The following STXBP4 variants were observed in gnomAD, a reference collection of about 807,000 sequenced individuals.
STXBP4 encodes the protein syntaxin binding protein 4.
STXBP4 carries 55 observed loss-of-function variants against 76.1 expected under a neutral mutation model. The ratio of observed to expected loss-of-function variants is 0.72; its 90% CI spans 0.58 to 0.91. STXBP4 has a LOEUF of 0.91. Ranked by LOEUF, STXBP4 falls within the 40% of genes least tolerant of loss-of-function variation. The pLI is 0.00. For synonymous variants in STXBP4, 201 were observed against 220.2 expected (o/e 0.91, Z 0.77); for missense variants, 618 against 636.9 (o/e 0.97, Z 0.32).
rs566286577 is a variant in STXBP4, at chr17:55,037,016, A to G, written c.855+2757A>G. On this transcript the variant is annotated intron_variant, in intron 10 of 17. Transcript: ENST00000376352. ...ATCACTTTGTTCTCTTTTGTAAGCAATCTCTTTTACTGCTAAGCATGTTGC... is the reference window on the plus strand; with the variant it reads ...ATCACTTTGTTCTCTTTTGTAAGCAGTCTCTTTTACTGCTAAGCATGTTGC... 8.5e-5 allele frequency among the ~76,000 whole-genome samples: 13 copies of G among 152,180 alleles called. No homozygotes were observed. In the East Asian group the frequency reaches 2.3e-3, roughly 27 times the overall value.
At chr17:55,092,238 A>G (rs568881155) in intron 16 of STXBP4, among the ~76,000 whole-genome samples, 7 of 152,292 alleles carry the variant, frequency 4.6e-5, no homozygotes, top group Non-Finnish European at 1.0e-4. Flanking sequence ...CTGCACCAAA[A>G]CCTCAGAAAT....
chr17:55,097,460 G>A (rs570235096), intron 16 of STXBP4, among the ~76,000 whole-genome samples: 25 of 152,196 alleles, frequency 1.6e-4, no homozygotes, highest in African/African-American at 3.9e-4. Context: ...TCAGGAGATC[G>A]AGACCATCCT....
intron 4 of STXBP4, 170 bp downstream of exon 4, chr17:54,991,127 A>C: frequency 2.0e-6 from 1 of 508,222 alleles, no homozygotes; most frequent in Non-Finnish European, 3.0e-6. Context: ...CTTTAAACTA[A>C]GAAATAAATA....
intron 16 of STXBP4, among the ~76,000 whole-genome samples, chr17:55,083,236 A>G (rs1213736361): frequency 6.6e-6 from 1 of 152,110 alleles, no homozygotes; most frequent in Non-Finnish European, 1.5e-5. Flanking sequence ...TCAGCCTCAC[A>G]AAGTGTTGGG....
At chr17:55,197,509 C>G in the STXBP4 span, among the ~76,000 whole-genome samples, 1 of 152,078 alleles carries the variant, frequency 6.6e-6, no homozygotes, top group African/African-American at 2.4e-5. Context: ...TTTGGGAGGC[C>G]AAGGCGGGCA....
At chr17:55,203,456 A>T in the STXBP4 span, among the ~76,000 whole-genome samples, 1 of 152,164 alleles carries the variant, frequency 6.6e-6, no homozygotes, top group Non-Finnish European at 1.5e-5. Flanking sequence ...TGTTTGTAGA[A>T]TGGGTGGATG....
At chr17:55,006,571 A>G (rs994587907) in intron 7 of STXBP4, among the ~76,000 whole-genome samples, 2 of 152,228 alleles carry the variant, frequency 1.3e-5, no homozygotes, top group Admixed American at 1.3e-4. Flanking sequence ...GGTCTTTTGT[A>G]GCATCTTTTT....
At chr17:55,197,552 G>A in the STXBP4 span, among the ~76,000 whole-genome samples, 4 of 152,154 alleles carry the variant, frequency 2.6e-5, no homozygotes, top group Admixed American at 2.6e-4. Context: ...GGCCATCCTG[G>A]CCAACACGGT....
chr17:55,012,160 G>T (rs1241129810), intron 8 of STXBP4, among the ~76,000 whole-genome samples: 1 of 152,120 alleles, frequency 6.6e-6, no homozygotes, highest in Non-Finnish European at 1.5e-5. Flanking sequence ...GCAGTGCAGG[G>T]GATTATTTCT....
chr17:55,178,996 G>C, the STXBP4 span, among the ~76,000 whole-genome samples: 2 of 152,112 alleles, frequency 1.3e-5, no homozygotes, highest in African/African-American at 4.8e-5. Context: ...CCCCAGTCAA[G>C]TTGACATATA....
At chr17:55,078,562 G>A (rs899039813) in intron 14 of STXBP4, 124 bp from the exon 15 acceptor site, 13 of 623,726 alleles carry the variant, frequency 2.1e-5, no homozygotes, top group Non-Finnish European at 3.1e-5. Context: ...TTGCACCCCC[G>A]CTACATAATA....
Position 55,022,337 on chromosome 17 carries a change from A to G in STXBP4, c.667-8831A>G, listed in dbSNP as rs557437242. ...TTATTCTACCCTACTCCTTTCCTTC[A>G]TTCTCATGGCAATGAAGGAGGTTGT... is the stretch of plus-strand genomic sequence containing the variant. On this transcript the variant is annotated intron_variant, in intron 8 of 17. Coordinates refer to ENST00000376352, the MANE Select transcript of STXBP4 (RefSeq NM_178509.6). Among the ~76,000 whole-genome samples the G allele has an allele frequency of 3.2e-3, 479 of 151,344 alleles. 1 individual carries two copies. The highest frequency in any genetic ancestry group is 0.031 in the Middle Eastern group (9 of 292).
At chr17:54,999,530 C>T in intron 5 of STXBP4, 79 bp downstream of exon 5, 1 of 1,447,894 alleles carries the variant, frequency 6.9e-7, no homozygotes, top group East Asian at 2.4e-5. Context: ...GTATTAAGTA[C>T]TTTATAATAA....
intron 8 of STXBP4, among the ~76,000 whole-genome samples, chr17:55,029,352 TTAGGA>T (rs1409554915): frequency 6.6e-6 from 1 of 152,000 alleles, no homozygotes; most frequent in African/African-American, 2.4e-5. Context: ...GGAAGAATAC[TTAGGA>T]TAGTAGTTCC....
chr17:55,009,340 T>A, intron 8 of STXBP4, among the ~76,000 whole-genome samples: 1 of 152,204 alleles, frequency 6.6e-6, no homozygotes, highest in East Asian at 1.9e-4. Flanking sequence ...AAATGAATAA[T>A]TATTCAATGA....
At position 54,980,030 on chromosome 17, in the gene STXBP4, CTGTG is replaced by C. The variant is rs71300611; in HGVS notation, c.-156-5576_-156-5573del. On this transcript the variant is annotated intron_variant, in intron 1 of 17. Coordinates refer to ENST00000376352, the MANE Select transcript of STXBP4 (RefSeq NM_178509.6). ...CTACTTATTTGTTTGTGACAGGTGT[CTGTG>C]TGTGTGTTGTTAAGTAAAATGCAAT... is the stretch of plus-strand genomic sequence containing the variant. Among the ~76,000 whole-genome samples, 3 of 151,882 alleles carry C rather than the reference CTGTG, an allele frequency of 2.0e-5. No individual in the cohort carries two copies. In the South Asian group the frequency reaches 6.2e-4, roughly 31 times the overall value.
intron 16 of STXBP4, among the ~76,000 whole-genome samples, chr17:55,104,111 C>G (rs991705900): frequency 2.0e-5 from 3 of 152,054 alleles, no homozygotes; most frequent in Non-Finnish European, 4.4e-5. Flanking sequence ...ATTCGAATAC[C>G]CTTTATTTCT....
At chr17:55,097,878 T>C (rs1212935228) in intron 16 of STXBP4, among the ~76,000 whole-genome samples, 4 of 152,184 alleles carry the variant, frequency 2.6e-5, no homozygotes, top group Non-Finnish European at 2.9e-5. Flanking sequence ...TCATTTTTTT[T>C]CATCTATGAA....
At chr17:55,129,447 G>A (rs2529505) in intron 16 of STXBP4, among the ~76,000 whole-genome samples, 96,961 of 151,908 alleles carry the variant, frequency 0.64, 31,806 homozygotes, top group African/African-American at 0.79. Flanking sequence ...TAAAATTAAG[G>A]TAGGTGCCAT....
Sources: allele counts gnomAD v4.1 joint callset (sites outside exome capture counted in the v4.1 genomes callset), GRCh38; gene constraint gnomAD v4.1.1; transcripts MANE v1.5; gene names NCBI Gene and HGNC (gene_info 2026-07-23, HGNC 2026-07-21).